Variants in GLS observed in about 807,000 individuals in gnomAD.
GLS encodes glutaminase.
In GLS, 36 loss-of-function variants were observed where a neutral mutation model predicts 86.7. The observed-to-expected ratio is 0.42, with a 90% CI of 0.32 to 0.55. The LOEUF (loss-of-function observed/expected upper bound fraction) is 0.55, where lower values mean the gene tolerates loss of function less well. Among genes scored for constraint, GLS ranks in the 20% least tolerant of loss-of-function variants. The pLI is 0.17. For missense variants in GLS, 528 were observed against 833.4 expected, an observed-to-expected ratio of 0.63 and a Z score of 4.51; for synonymous variants, 317 against 305.9, an observed-to-expected ratio of 1.04 and a Z score of -0.38.
intron 17 of GLS, among the ~76,000 whole-genome samples, chr2:190,960,359 ATTTTTTT>A (rs770419477): frequency 9.9e-6 from 1 of 101,486 alleles, no homozygotes; most frequent in Admixed American, 1.2e-4. Context: ...TTAAGCTTCA[ATTTTTTT>A]TTTTTTTTTT....
At position 190,914,072 on chromosome 2, in the gene GLS, A is replaced by AT. The variant is rs1258339952; in HGVS notation, c.1038+3753dup. 1.3e-5 allele frequency among the ~76,000 whole-genome samples: 2 copies of AT among 152,210 alleles called. No individual in the cohort carries two copies. Among genetic ancestry groups the AT allele is most frequent in the Non-Finnish European group, 2.9e-5 (2 of 68,034 alleles). ...CTCCCAAAATGCTGGGATGACAGGC[A>AT]TTAGCCACTCTACTTGGCATGCCTC... On this transcript the variant is annotated intron_variant, in intron 7 of 17. Transcript: ENST00000320717. The surrounding 1 kb of genome is among the most constrained non-coding windows in gnomAD (Gnocchi z 4.4).
chr2:190,909,319 A>G (rs1352585709), intron 6 of GLS, among the ~76,000 whole-genome samples: 3 of 152,206 alleles, frequency 2.0e-5, no homozygotes, highest in African/African-American at 7.2e-5. Flanking sequence ...TTTATTTGTA[A>G]TGAGAAGACA....
In GLS at chr2:190,913,175, G is replaced by C. The variant is rs1253547017; in HGVS notation, c.1038+2854G>C. 6.9e-6 allele frequency: 9 copies of C among 1,297,620 alleles called. No individual in the cohort carries two copies. The highest frequency in any genetic ancestry group is 9.2e-6 in the Non-Finnish European group (9 of 983,006). 80.4% of individuals were successfully genotyped at this position (1,297,620 alleles called of 1,614,324 possible). A position where few individuals can be genotyped will look rare whatever the true frequency, so the allele number is the denominator to read the frequency against. On this transcript the variant is annotated intron_variant, in intron 7 of 17. Transcript: ENST00000320717. The surrounding 1 kb of genome is among the most constrained non-coding windows in gnomAD (Gnocchi z 6.1). ...CTTGATTTCATAATTTTGTAGTATT[G>C]ATATTTTTTCCTTGTAGGATTGGTG...
At chr2:190,932,510 TTC>T (rs1184861802) in intron 14 of GLS, 2 of 306,878 alleles carry the variant, frequency 6.5e-6, no homozygotes, top group East Asian at 5.2e-5. Flanking sequence ...TCAAATTAAT[TTC>T]TGTTACTATG....
At chr2:190,928,927 TTTTG>T (rs1574603517) in intron 12 of GLS, among the ~76,000 whole-genome samples, 1 of 82,726 alleles carries the variant, frequency 1.2e-5, no homozygotes, top group East Asian at 7.4e-4. Flanking sequence ...GGTCTGCTTG[TTTTG>T]TTTAGTTTTG....
intron 1 of GLS, among the ~76,000 whole-genome samples, chr2:190,886,111 T>TA (rs1210654626): frequency 2.0e-5 from 3 of 152,150 alleles, no homozygotes; most frequent in African/African-American, 7.2e-5. Flanking sequence ...GACCTTGTGA[T>TA]ACGCCTGCTT....
At chr2:190,911,904 A>T (rs1689374843) in intron 7 of GLS, among the ~76,000 whole-genome samples, 1 of 152,244 alleles carries the variant, frequency 6.6e-6, no homozygotes, top group East Asian at 1.9e-4. Context: ...GCATAGTCTC[A>T]AAAGGGCTTA....
chr2:190,900,677 A>G lies in GLS; in HGVS notation c.719A>G (p.Lys240Arg). The G allele has an allele frequency of 6.2e-7, 1 of 1,606,876 alleles. No individual in the cohort carries two copies. Among genetic ancestry groups the G allele is most frequent in the Non-Finnish European group, 8.5e-7 (1 of 1,174,452 alleles). ...HIDELYESAK[K>R]QSGGKVADYI... ...GATGAGTTATATGAAAGTGCTAAAAAGCAGTCTGGAGGAAAGGTAATGCTT... is the reference window on the plus strand; with the variant it reads ...GATGAGTTATATGAAAGTGCTAAAAGGCAGTCTGGAGGAAAGGTAATGCTT... The change falls in exon 4 of 18, where the codon AAG becomes AGG. Residue 240 changes from lysine to arginine, a missense_variant. Coordinates refer to ENST00000320717, the MANE Select transcript of GLS (RefSeq NM_014905.5).
chr2:190,890,980 A>G (rs1688543542), intron 1 of GLS, among the ~76,000 whole-genome samples: 1 of 152,072 alleles, frequency 6.6e-6, no homozygotes, highest in African/African-American at 2.4e-5. Flanking sequence ...ATAAGACCAT[A>G]CAGTTGGTTT....
chr2:190,881,951 T>A (rs1251236453), intron 1 of GLS: 1 of 153,240 alleles, frequency 6.5e-6, no homozygotes, highest in African/African-American at 2.4e-5. Context: ...GTTTCCGCTC[T>A]GCCTGCCCTC....
rs1691025050 is a variant in GLS, at chr2:190,962,431, G to A, written c.1854-399G>A. ...CTAATTTTCTGTCAAAGGCTAGAGT[G>A]ATGGATGTTATATGCCTGAATTTTC... is the stretch of plus-strand genomic sequence containing the variant. On this transcript the variant is annotated intron_variant, in intron 17 of 17. Transcript: ENST00000320717. This position sits in a 1 kb window ranked among gnomAD's most constrained non-coding sequence, Gnocchi z 4.2. Among the ~76,000 whole-genome samples the A allele has an allele frequency of 6.6e-6, 1 of 152,216 alleles. No individual in the cohort carries two copies. Among genetic ancestry groups the A allele is most frequent in the South Asian group, 2.1e-4 (1 of 4,836 alleles).
chr2:190,892,771 T>C (rs969600003), intron 1 of GLS, among the ~76,000 whole-genome samples: 3 of 152,176 alleles, frequency 2.0e-5, no homozygotes, highest in Non-Finnish European at 4.4e-5. Flanking sequence ...GTAATTTCTT[T>C]TTATCAGTTT....
At chr2:190,960,323 CTT>C (rs1305772077) in intron 17 of GLS, among the ~76,000 whole-genome samples, 1 of 144,998 alleles carries the variant, frequency 6.9e-6, no homozygotes, top group Non-Finnish European at 1.5e-5. Flanking sequence ...GTTGATTACT[CTT>C]TAGCTGTATT....
rs1196211567 is a variant in GLS, at chr2:190,921,979, T to G, written c.1130+776T>G. 6.6e-6 allele frequency among the ~76,000 whole-genome samples: 1 copy of G among 152,158 alleles called. No homozygotes were observed. Among genetic ancestry groups the G allele is most frequent in the Non-Finnish European group, 1.5e-5 (1 of 67,972 alleles). On this transcript the variant is annotated intron_variant, in intron 9 of 17. Transcript: ENST00000320717. This position sits in a 1 kb window ranked among gnomAD's most constrained non-coding sequence, Gnocchi z 4.2. ...GTCTCTTTACTTAGAACAGTCCCCG[T>G]GCCCTTGCTTTCACAAATTTTATTA...
rs1690675624 is a variant in GLS at position 190,949,940 on chromosome 2, T to TTA, written c.1651-3618_1651-3617dup. 6.7e-6 allele frequency among the ~76,000 whole-genome samples: 1 copy of TTA among 149,514 alleles called. No homozygotes were observed. The highest frequency in any genetic ancestry group is 2.4e-5 in the African/African-American group (1 of 40,870). ...AAGTATATATAAAAATATATATACT[T>TTA]TATATATAGTTATATATAACAAATA... On this transcript the variant is annotated intron_variant, in intron 14 of 17. Coordinates refer to ENST00000320717, the MANE Select transcript of GLS (RefSeq NM_014905.5). The surrounding 1 kb of genome is among the most constrained non-coding windows in gnomAD (Gnocchi z 4.0).
Position 190,913,314 on chromosome 2 carries a change from T to A in GLS, c.1038+2993T>A. 8.0e-7 allele frequency: 1 copy of A among 1,253,020 alleles called. No individual in the cohort carries two copies. Among genetic ancestry groups the A allele is most frequent in the Non-Finnish European group, 1.0e-6 (1 of 967,546 alleles). 77.6% of individuals were successfully genotyped at this position (1,253,020 alleles called of 1,614,324 possible). On this transcript the variant is annotated intron_variant, in intron 7 of 17. Coordinates refer to ENST00000320717, the MANE Select transcript of GLS (RefSeq NM_014905.5). This position sits in a 1 kb window ranked among gnomAD's most constrained non-coding sequence, Gnocchi z 6.1. ...GCCTGTTGCATAAATTCTTAACTAC[T>A]AAGCTTATAGGAAAACTCCAATATT...
Position 190,913,774 on chromosome 2 carries a change from C to T in GLS, c.1038+3453C>T. 1 of 972,628 alleles carries T rather than the reference C, an allele frequency of 1.0e-6. No individual in the cohort carries two copies. The highest frequency in any genetic ancestry group is 1.2e-6 in the Non-Finnish European group (1 of 818,392). The allele number at this position is 972,628 out of a possible 1,614,324, so 60.2% of individuals were successfully genotyped here. A position where few individuals can be genotyped will look rare whatever the true frequency, so the allele number is the denominator to read the frequency against. On this transcript the variant is annotated intron_variant, in intron 7 of 17. Coordinates refer to ENST00000320717, the MANE Select transcript of GLS (RefSeq NM_014905.5). This position sits in a 1 kb window ranked among gnomAD's most constrained non-coding sequence, Gnocchi z 6.1. ...TTAGAAATAGTAAAAGTTACACTGT[C>T]TTCTATGTTTTTACCTCTCAGAGTT...
At chr2:190,929,506 G>A (rs539465014) in intron 12 of GLS, among the ~76,000 whole-genome samples, 4 of 149,378 alleles carry the variant, frequency 2.7e-5, no homozygotes, top group African/African-American at 7.4e-5. Context: ...GTCTTGCTTC[G>A]TCACCCAGGC....
intron 1 of GLS, among the ~76,000 whole-genome samples, chr2:190,887,126 G>A (rs1688410792): frequency 6.6e-6 from 1 of 152,124 alleles, no homozygotes; most frequent in South Asian, 2.1e-4. Flanking sequence ...TCATTTGCTA[G>A]TAAGAGAAAT....
Sources: allele counts gnomAD v4.1 joint callset (sites outside exome capture counted in the v4.1 genomes callset), GRCh38; gene constraint gnomAD v4.1.1; non-coding constraint Gnocchi (gnomAD v3.1); transcripts MANE v1.5; gene names NCBI Gene and HGNC (gene_info 2026-07-23, HGNC 2026-07-21).